Variants in MAGI1 observed in about 807,000 individuals in gnomAD.
MAGI1 encodes the protein membrane-associated guanylate kinase, WW and PDZ domain-containing protein 1.
In MAGI1, 58 loss-of-function variants were observed where a neutral mutation model predicts 139.9. The observed-to-expected ratio is 0.41, with a 90% CI of 0.34 to 0.52. The LOEUF is 0.52. Ranked by LOEUF, MAGI1 falls within the 20% of genes least tolerant of loss-of-function variation. The probability of loss-of-function intolerance (pLI) is 0.12; values close to 1 mark genes in which losing one functional copy is unlikely to be tolerated. For synonymous variants in MAGI1, 812 were observed against 737.9 expected, an observed-to-expected ratio of 1.10 and a Z score of -1.63; for missense variants, 1,874 against 1,901.6, an observed-to-expected ratio of 0.99 and a Z score of 0.27.
intron 1 of MAGI1, among the ~76,000 whole-genome samples, chr3:65,756,706 T>C (rs965014562): frequency 6.6e-6 from 1 of 152,098 alleles, no homozygotes; most frequent in Non-Finnish European, 1.5e-5. Flanking sequence ...AAAATTACAG[T>C]CATATTTCCA....
At chr3:65,845,511 T>C (rs755102691) in intron 1 of MAGI1, among the ~76,000 whole-genome samples, 22 of 152,196 alleles carry the variant, frequency 1.4e-4, no homozygotes, top group East Asian at 1.4e-3. Flanking sequence ...TGGAACAGAG[T>C]AGGCACTCAA....
intron 2 of MAGI1, among the ~76,000 whole-genome samples, chr3:65,552,815 T>A (rs1226996621): frequency 1.3e-5 from 2 of 152,228 alleles, no homozygotes; most frequent in African/African-American, 4.8e-5. Context: ...ACATGACATA[T>A]GAACCTTCAA....
intron 12 of MAGI1, among the ~76,000 whole-genome samples, chr3:65,428,719 A>C (rs1947253095): frequency 6.6e-6 from 1 of 152,204 alleles, no homozygotes. Context: ...AAAGACAAAT[A>C]ATGAAAAATA....
chr3:65,422,189 A>G (rs1463857858), intron 12 of MAGI1, among the ~76,000 whole-genome samples: 1 of 152,222 alleles, frequency 6.6e-6, no homozygotes, highest in African/African-American at 2.4e-5. Context: ...GAGCTCTTGA[A>G]GTGCGGACAG....
intron 1 of MAGI1, among the ~76,000 whole-genome samples, chr3:66,003,569 T>C (rs1035966126): frequency 1.3e-5 from 2 of 152,110 alleles, no homozygotes; most frequent in Non-Finnish European, 2.9e-5. Context: ...GAGATTCTCC[T>C]GCCTCAGCCT....
At chr3:65,410,617 G>A (rs994042564) in intron 12 of MAGI1, among the ~76,000 whole-genome samples, 48 of 152,172 alleles carry the variant, frequency 3.2e-4, no homozygotes, top group Non-Finnish European at 1.3e-4. Flanking sequence ...CTAGGTCAAC[G>A]GGGTCAAGGT....
intron 1 of MAGI1, among the ~76,000 whole-genome samples, chr3:65,957,121 T>C (rs777865003): frequency 4.6e-5 from 7 of 151,866 alleles, no homozygotes; most frequent in Non-Finnish European, 7.4e-5. Context: ...ATAATGACAG[T>C]ATAATAATTT....
chr3:65,608,314 G>A (rs530473810), intron 2 of MAGI1, among the ~76,000 whole-genome samples: 1 of 152,204 alleles, frequency 6.6e-6, no homozygotes, highest in African/African-American at 2.4e-5. Context: ...GGTGGCAGGT[G>A]CCTGTAATCC....
At chr3:65,775,500 GCCAAA>G (rs1319115383) in intron 1 of MAGI1, among the ~76,000 whole-genome samples, 2,273 of 32,462 alleles carry the variant, frequency 0.07, 34 homozygotes, top group Middle Eastern at 0.14. Flanking sequence ...CACCCACTCT[GCCAAA>G]AAAAAAAAAA....
chr3:65,493,684 A>T, intron 2 of MAGI1, 53 bp from the exon 3 acceptor site: 1 of 1,607,276 alleles, frequency 6.2e-7, no homozygotes, highest in African/African-American at 1.3e-5. Context: ...TAAAACAGGA[A>T]GTTCCACATC....
intron 2 of MAGI1, among the ~76,000 whole-genome samples, chr3:65,602,868 G>A (rs780123494): frequency 6.6e-6 from 1 of 151,866 alleles, no homozygotes; most frequent in Non-Finnish European, 1.5e-5. Context: ...GTGGGGAAAG[G>A]AGAAATCATA....
intron 1 of MAGI1, among the ~76,000 whole-genome samples, chr3:65,734,318 G>A (rs1325558000): frequency 6.6e-6 from 1 of 152,050 alleles, no homozygotes; most frequent in African/African-American, 2.4e-5. Context: ...GACTTGGCCA[G>A]GTATGGTGGC....
chr3:65,483,704 C>T (rs1951438638), intron 3 of MAGI1, among the ~76,000 whole-genome samples: 1 of 152,204 alleles, frequency 6.6e-6, no homozygotes, highest in Non-Finnish European at 1.5e-5. Flanking sequence ...CTCTCTGCTG[C>T]TATTTTCAGA....
Position 65,401,474 on chromosome 3 carries a change from G to GA in MAGI1, c.2168-5dup, listed in dbSNP as rs754594193. 25 of 1,611,486 alleles carry GA rather than the reference G, an allele frequency of 1.6e-5. No homozygotes were observed. Among genetic ancestry groups the GA allele is most frequent in the African/African-American group, 4.0e-5 (3 of 74,736 alleles). ...CTCTTCTTGGGAACTGGCAGCCCTG[G>GA]AAAAAATGCAACAAGGAGGGGAGGG... On this transcript the variant is annotated splice_region_variant and splice_polypyrimidine_tract_variant and intron_variant, in intron 12 of 22. Coordinates refer to ENST00000402939, the MANE Select transcript of MAGI1 (RefSeq NM_001033057.2).
intron 12 of MAGI1, among the ~76,000 whole-genome samples, chr3:65,415,571 T>C (rs1946151215): frequency 6.6e-6 from 1 of 152,178 alleles, no homozygotes; most frequent in African/African-American, 2.4e-5. Flanking sequence ...ACTCCGTTAC[T>C]GAGGAGATGC....
chr3:65,657,496 T>C (rs1327132242), intron 1 of MAGI1, among the ~76,000 whole-genome samples: 1 of 151,738 alleles, frequency 6.6e-6, no homozygotes, highest in Admixed American at 6.6e-5. Flanking sequence ...AAGTGTCCTC[T>C]ATTCTGTGCA....
intron 1 of MAGI1, among the ~76,000 whole-genome samples, chr3:65,782,235 G>C (rs2038991001): frequency 6.6e-6 from 1 of 152,114 alleles, no homozygotes; most frequent in African/African-American, 2.4e-5. Context: ...AGGATTATCT[G>C]GGTGGGCCCA....
chr3:65,926,434 A>G (rs936168657), intron 1 of MAGI1, among the ~76,000 whole-genome samples: 7 of 150,844 alleles, frequency 4.6e-5, no homozygotes, highest in Non-Finnish European at 7.4e-5. Context: ...CATCTTGAAA[A>G]GGGGCTAGAT....
chr3:66,031,130 T>C (rs1229646143), intron 1 of MAGI1, among the ~76,000 whole-genome samples: 1 of 152,210 alleles, frequency 6.6e-6, no homozygotes, highest in Non-Finnish European at 1.5e-5. Flanking sequence ...ACATATGAGC[T>C]GCAAAAAGAC....
Sources: allele counts gnomAD v4.1 joint callset (sites outside exome capture counted in the v4.1 genomes callset), GRCh38; gene constraint gnomAD v4.1.1; transcripts MANE v1.5; gene names NCBI Gene and HGNC (gene_info 2026-07-23, HGNC 2026-07-21).